CEP89: variants seen among roughly 807,000 people sequenced by gnomAD.
CEP89 encodes centrosomal protein of 89 kDa.
Under a neutral mutation model 97.6 loss-of-function variants are expected in CEP89, and 95 were observed. The ratio of observed to expected loss-of-function variants is 0.97; its 90% CI spans 0.82 to 1.15. The LOEUF is 1.15. Ranked by LOEUF, CEP89 falls within the 50% of genes most tolerant of loss-of-function variation. The probability of loss-of-function intolerance (pLI) is 0.00; values close to 1 mark genes in which losing one functional copy is unlikely to be tolerated. For missense variants in CEP89, 869 were observed against 947.7 expected (o/e 0.92, Z 1.09); for synonymous variants, 354 against 349.1 (o/e 1.01, Z -0.16).
intron 2 of CEP89, chr19:32,963,494 T>A (rs1004940212): frequency 6.6e-6 from 1 of 152,220 alleles, no homozygotes; most frequent in Non-Finnish European, 1.5e-5. Context: ...ACTGGGCCTA[T>A]GAGAATGGAT....
intron 5 of CEP89, among the ~76,000 whole-genome samples, chr19:32,943,033 T>C (rs994064530): frequency 6.6e-6 from 1 of 151,904 alleles, no homozygotes; most frequent in African/African-American, 2.4e-5. Flanking sequence ...ATGATCTTCC[T>C]GCCTCAGCCT....
intron 18 of CEP89, among the ~76,000 whole-genome samples, chr19:32,881,588 G>T (rs1233320451): frequency 6.6e-6 from 1 of 151,966 alleles, no homozygotes; most frequent in African/African-American, 2.4e-5. Flanking sequence ...ATGGAAGGCA[G>T]CAGAAAAAAA....
intron 14 of CEP89, among the ~76,000 whole-genome samples, chr19:32,903,531 G>T (rs1209232929): frequency 1.3e-5 from 2 of 152,156 alleles, no homozygotes; most frequent in African/African-American, 2.4e-5. Context: ...ATACAAAAAA[G>T]ACTCAAATGG....
intron 18 of CEP89, among the ~76,000 whole-genome samples, chr19:32,880,235 G>A (rs183665598): frequency 1.1e-4 from 16 of 152,356 alleles, no homozygotes; most frequent in African/African-American, 3.6e-4. Flanking sequence ...GACACTGCCA[G>A]ATGGTTCTGG....
chr19:32,959,768 C>A, intron 3 of CEP89, 132 bp downstream of exon 3: 1 of 898,196 alleles, frequency 1.1e-6, no homozygotes, highest in Non-Finnish European at 1.7e-6. Context: ...TAAATACATG[C>A]ATGAGCACCC....
At chr19:32,923,913 G>T (rs1466907310) in intron 11 of CEP89, among the ~76,000 whole-genome samples, 1 of 151,958 alleles carries the variant, frequency 6.6e-6, no homozygotes, top group Non-Finnish European at 1.5e-5. Flanking sequence ...TAAATTGGAG[G>T]TTTTTAATAT....
Position 32,901,335 on chromosome 19 carries a change from T to G in CEP89, c.1643A>C (p.Gln548Pro). The G allele has an allele frequency of 6.2e-7, 1 of 1,614,224 alleles. No homozygotes were observed. Among genetic ancestry groups the G allele is most frequent in the Non-Finnish European group, 8.5e-7 (1 of 1,180,032 alleles). Residue 548 changes from glutamine to proline, a missense_variant, in exon 15 of 19, where the codon CAG (glutamine) becomes CCG (proline). Transcript: ENST00000305768. ...LMEKLTVLQA[Q>P]KKSLLLEKNS... ...CTTCTCTAACAGCAGGCTCTTCTTC[T>G]GCGCTTGCAGGACTGTCAGCTTCTC... is the stretch of plus-strand genomic sequence containing the variant.
intron 3 of CEP89, 86 bp downstream of exon 3, chr19:32,959,814 C>T (rs1161987269): frequency 3.1e-5 from 43 of 1,382,668 alleles, no homozygotes; most frequent in Admixed American, 7.4e-5. Flanking sequence ...CACACATGTA[C>T]GCATGCACAC....
At chr19:32,893,545 A>G (rs1187228501) in intron 16 of CEP89, among the ~76,000 whole-genome samples, 1 of 152,260 alleles carries the variant, frequency 6.6e-6, no homozygotes, top group African/African-American at 2.4e-5. Flanking sequence ...AGACATTTAC[A>G]AAACATTTCA....
chr19:32,889,742 C>T (rs540414256), intron 16 of CEP89, among the ~76,000 whole-genome samples: 27 of 152,286 alleles, frequency 1.8e-4, no homozygotes, highest in Admixed American at 2.0e-4. Context: ...ACAAACAAGA[C>T]GGCTTTGCGT....
intron 14 of CEP89, among the ~76,000 whole-genome samples, chr19:32,910,293 G>A (rs574077390): frequency 2.1e-4 from 30 of 143,652 alleles, no homozygotes; most frequent in African/African-American, 7.5e-4. Context: ...GAGAGAGCGA[G>A]AGAGAGAGGG....
At chr19:32,929,040 G>A (rs1970417378) in intron 9 of CEP89, among the ~76,000 whole-genome samples, 1 of 152,114 alleles carries the variant, frequency 6.6e-6, no homozygotes, top group South Asian at 2.1e-4. Flanking sequence ...AGAATCAATG[G>A]CCTAGACAAA....
chr19:32,918,054 T>C (rs1233524493), intron 13 of CEP89, among the ~76,000 whole-genome samples, 170 bp downstream of exon 13: 1 of 152,216 alleles, frequency 6.6e-6, no homozygotes, highest in East Asian at 1.9e-4. Flanking sequence ...AAGCAATCTA[T>C]GCATTGAGGG....
Position 32,966,119 on chromosome 19 carries a change from T to C in CEP89, c.146+241A>G, listed in dbSNP as rs908373199. Reference sequence around the variant, plus strand: ...CTTTACATTTTTTTTTAAATACTCATTGCATTCAATCATGAAATGTGAGAA... The same window carrying C: ...CTTTACATTTTTTTTTAAATACTCACTGCATTCAATCATGAAATGTGAGAA... On this transcript the variant is annotated intron_variant, in intron 2 of 18. Transcript: ENST00000305768. 1.3e-5 allele frequency: 5 copies of C among 376,454 alleles called. No homozygotes were observed. In the South Asian group the frequency reaches 5.8e-4, roughly 44 times the overall value. 23.3% of individuals were successfully genotyped at this position (376,454 alleles called of 1,614,324 possible).
chr19:32,960,246 C>T (rs1170809586), intron 2 of CEP89, among the ~76,000 whole-genome samples, 188 bp from the exon 3 acceptor site: 2 of 152,180 alleles, frequency 1.3e-5, no homozygotes, highest in Non-Finnish European at 2.9e-5. Flanking sequence ...TGTATGACTA[C>T]ATATTATTGT....
intron 18 of CEP89, among the ~76,000 whole-genome samples, chr19:32,881,457 G>C (rs1310577875): frequency 6.6e-6 from 1 of 152,130 alleles, no homozygotes; most frequent in Non-Finnish European, 1.5e-5. Context: ...TTGAATCCGG[G>C]AGGCGGAGGT....
intron 14 of CEP89, among the ~76,000 whole-genome samples, chr19:32,904,596 CTTT>C (rs550676154): frequency 2.1e-5 from 3 of 140,628 alleles, no homozygotes; most frequent in Non-Finnish European, 1.5e-5. Flanking sequence ...TTCTTTCTTC[CTTT>C]TTTTTTTTTT....
chr19:32,967,319 G>T (rs1971304315), intron 1 of CEP89, among the ~76,000 whole-genome samples: 1 of 152,138 alleles, frequency 6.6e-6, no homozygotes, highest in African/African-American at 2.4e-5. Flanking sequence ...ACGTTTCTGG[G>T]TCTAGTCCAA....
chr19:32,967,345 G>A (rs191547604), intron 1 of CEP89, among the ~76,000 whole-genome samples: 2 of 152,192 alleles, frequency 1.3e-5, no homozygotes, highest in East Asian at 1.9e-4. Flanking sequence ...TTCTTGGCAC[G>A]AGCCATTCAT....
Sources: allele counts gnomAD v4.1 joint callset (sites outside exome capture counted in the v4.1 genomes callset), GRCh38; gene constraint gnomAD v4.1.1; transcripts MANE v1.5; gene names NCBI Gene and HGNC (gene_info 2026-07-23, HGNC 2026-07-21).